The following UNC80 variants were observed in gnomAD, a reference collection of about 807,000 sequenced individuals.
The protein encoded by UNC80 is unc-80 subunit of NALCN channel complex, also known as protein unc-80 homolog.
A neutral mutation model predicts 384.6 loss-of-function variants in UNC80; 164 were observed. That is an observed-to-expected ratio of 0.43 (90% confidence interval 0.38 to 0.49). The LOEUF (loss-of-function observed/expected upper bound fraction) is 0.49, where lower values mean the gene tolerates loss of function less well. Among genes scored for constraint, UNC80 ranks in the 20% least tolerant of loss-of-function variants. The pLI is 0.00. For missense variants in UNC80, 3,330 were observed against 4,143.0 expected (o/e 0.80, Z 5.39); for synonymous variants, 1,486 against 1,527.8 (o/e 0.97, Z 0.64).
intron 28 of UNC80, 92 bp from the exon 29 acceptor site, chr2:209,904,673 C>A: frequency 9.1e-7 from 1 of 1,098,814 alleles, no homozygotes; most frequent in Non-Finnish European, 1.3e-6. Context: ...GGGAAGCTGA[C>A]ATTCTGACTT....
rs532830119 is a variant in UNC80 at position 209,874,745 on chromosome 2, T to C, written c.3840+1775T>C. On this transcript the variant is annotated intron_variant, in intron 23 of 64. Coordinates refer to ENST00000673920, the MANE Select transcript of UNC80 (RefSeq NM_001371986.1). ...TATATTTCCAACTGTAACCTGTAAG[T>C]ACAGACTTCCCTAACCATAGCAGTT... Among the ~76,000 whole-genome samples, 4 of 152,320 alleles carry C rather than the reference T, an allele frequency of 2.6e-5. No individual in the cohort carries two copies. The East Asian group carries it at 7.7e-4, about 29-fold the overall frequency.
At chr2:209,965,294 G>A (rs951743245) in intron 51 of UNC80, among the ~76,000 whole-genome samples, 10 of 151,894 alleles carry the variant, frequency 6.6e-5, no homozygotes, top group East Asian at 3.9e-4. Context: ...AAAATTAGCC[G>A]GGCATGGGGC....
At chr2:209,910,000 C>G (rs577038739) in intron 29 of UNC80, among the ~76,000 whole-genome samples, 1 of 149,746 alleles carries the variant, frequency 6.7e-6, no homozygotes, top group South Asian at 2.1e-4. Context: ...ATAGAGGCAT[C>G]TACTAGTGGT....
chr2:209,903,647 A>G (rs1378125367), intron 28 of UNC80, among the ~76,000 whole-genome samples: 1 of 121,702 alleles, frequency 8.2e-6, no homozygotes, highest in Non-Finnish European at 1.6e-5. Context: ...TATAGTATAT[A>G]TGTAATATAT....
chr2:209,935,385 G>A lies in UNC80; in HGVS notation c.6179-329G>A, dbSNP rs951498540. Among the ~76,000 whole-genome samples the A allele has an allele frequency of 9.9e-5, 15 of 152,172 alleles. 1 individual carries two copies. Among genetic ancestry groups the A allele is most frequent in the Admixed American group, 2.6e-4 (4 of 15,272 alleles). On this transcript the variant is annotated intron_variant, in intron 39 of 64. Coordinates refer to ENST00000673920, the MANE Select transcript of UNC80 (RefSeq NM_001371986.1). ...TCCTGTAATCTCCGCACTTTGGGAG[G>A]CCGAGGCAGGTGGATTGCTTGAGGT...
At chr2:209,836,451 A>G (rs943491170) in intron 18 of UNC80, among the ~76,000 whole-genome samples, 1 of 152,206 alleles carries the variant, frequency 6.6e-6, no homozygotes, top group Admixed American at 6.5e-5. Context: ...CATTCACTGT[A>G]TATTTCTAGG....
At chr2:209,878,215 C>T in intron 24 of UNC80, 126 bp downstream of exon 24, 1 of 1,010,732 alleles carries the variant, frequency 9.9e-7, no homozygotes, top group Non-Finnish European at 1.3e-6. Context: ...TGCTCCTTCT[C>T]CCCTTTTCCC....
Position 209,777,426 on chromosome 2 carries a change from G to A in UNC80, c.467G>A (p.Gly156Asp). 6.2e-7 allele frequency: 1 copy of A among 1,614,192 alleles called. No individual in the cohort carries two copies. Among genetic ancestry groups the A allele is most frequent in the South Asian group, 1.1e-5 (1 of 91,084 alleles). ...SAFIHQVENQ[G>D]SPGQPCQSSS... ...TTCATCCACCAGGTTGAAAACCAGGGTTCTCCAGGGCAGCCTTGCCAAAGC... is the reference window on the plus strand; with the variant it reads ...TTCATCCACCAGGTTGAAAACCAGGATTCTCCAGGGCAGCCTTGCCAAAGC... Residue 156 changes from glycine (G) to aspartate (D), a missense_variant, in exon 4 of 65, where the codon GGT becomes GAT. Around this residue, in one of 8 missense-constraint regions of UNC80, gnomAD observed 937 missense variants for 1,026.8 expected, o/e 0.91. Transcript: ENST00000673920.
In UNC80 at chr2:209,939,536, T is replaced by A; in HGVS notation, c.6530T>A (p.Ile2177Asn). The change falls in exon 43 of 65, where the codon ATC becomes AAC. Residue 2177 changes from isoleucine to asparagine, a missense_variant. This residue lies in a region of UNC80 where 1,049 missense variants were observed against 1,488.6 expected (regional missense o/e 0.70). Transcript: ENST00000673920. ...TTTCTCATCTCCCTAACCCAGAAGA[T>A]CCCCACAGCCCACAAACAGTCCCAC... Reference protein sequence around the residue: ...VLFLISLTQKIPTAHKQSHVS... With the variant: ...VLFLISLTQKNPTAHKQSHVS... 6.4e-7 allele frequency: 1 copy of A among 1,551,486 alleles called. No individual in the cohort carries two copies. The highest frequency in any genetic ancestry group is 8.7e-7 in the Non-Finnish European group (1 of 1,146,884).
At chr2:209,865,240 T>C (rs964313918) in intron 22 of UNC80, among the ~76,000 whole-genome samples, 4 of 151,904 alleles carry the variant, frequency 2.6e-5, no homozygotes, top group East Asian at 1.9e-4. Context: ...GTTTTTTTTT[T>C]CAATGGGAGC....
chr2:209,818,946 T>C, intron 11 of UNC80, 47 bp from the exon 12 acceptor site: 1 of 1,529,510 alleles, frequency 6.5e-7, no homozygotes, highest in Non-Finnish European at 8.8e-7. Flanking sequence ...TAACTGGTAT[T>C]GTAGGTTAAT....
intron 17 of UNC80, 34 bp downstream of exon 17, chr2:209,834,202 T>G (rs1238798368): frequency 6.5e-7 from 1 of 1,548,122 alleles, no homozygotes; most frequent in East Asian, 2.4e-5. Flanking sequence ...TATTACTGTT[T>G]GCCTTAAGTC....
intron 33 of UNC80, 120 bp downstream of exon 33, chr2:209,918,783 A>G (rs2089778753): frequency 1.7e-6 from 2 of 1,173,580 alleles, no homozygotes; most frequent in African/African-American, 1.5e-5. Context: ...GTCAGCACAA[A>G]AGATCTTTGT....
chr2:209,944,385 G>A (rs1430600238), intron 45 of UNC80, among the ~76,000 whole-genome samples: 2 of 151,946 alleles, frequency 1.3e-5, no homozygotes, highest in Non-Finnish European at 2.9e-5. Flanking sequence ...GAATTTCTAC[G>A]ACACTCAACC....
At chr2:209,897,129 C>T (rs1559286535) in intron 28 of UNC80, among the ~76,000 whole-genome samples, 2 of 152,044 alleles carry the variant, frequency 1.3e-5, no homozygotes, top group South Asian at 4.1e-4. Context: ...GAAGCAGTCA[C>T]CAGAACTGAC....
At chr2:209,832,492 C>T (rs1225112027) in intron 16 of UNC80, among the ~76,000 whole-genome samples, 1 of 152,120 alleles carries the variant, frequency 6.6e-6, no homozygotes, top group Non-Finnish European at 1.5e-5. Context: ...GAAATCATTC[C>T]ATTTGCACAT....
Position 209,905,057 on chromosome 2 carries a change from C to G in UNC80, c.4782+92C>G, listed in dbSNP as rs971038709. ...GGAAATAAGAATTTTCAAGCAAATG[C>G]AATTGTAACAATCAGGTCTGTGTGC... On this transcript the variant is annotated intron_variant, in intron 29 of 64. Transcript: ENST00000673920. The G allele has an allele frequency of 4.6e-6, 6 of 1,297,532 alleles. No individual in the cohort carries two copies. In the African/African-American group the frequency reaches 7.3e-5, roughly 16 times the overall value. The allele number at this position is 1,297,532 out of a possible 1,614,324, so 80.4% of individuals were successfully genotyped here. A position where few individuals can be genotyped will look rare whatever the true frequency, so the allele number is the denominator to read the frequency against.
chr2:209,850,918 T>A (rs183421434), intron 22 of UNC80, among the ~76,000 whole-genome samples: 1 of 152,248 alleles, frequency 6.6e-6, no homozygotes, highest in East Asian at 1.9e-4. Flanking sequence ...GAAACTTAGC[T>A]GTCACTCTTT....
intron 4 of UNC80, among the ~76,000 whole-genome samples, chr2:209,783,976 C>G (rs900234876): frequency 1.3e-5 from 2 of 152,156 alleles, no homozygotes; most frequent in Non-Finnish European, 2.9e-5. Context: ...CTCGGTATCT[C>G]TAGCTTAATG....
Sources: gnomAD v4.1 joint callset for allele counts (sites outside exome capture counted in the v4.1 genomes callset) on GRCh38, gnomAD v4.1.1 for gene constraint, gnomAD v4.1.1 regional missense constraint, MANE v1.5 for transcripts, NCBI Gene and HGNC (gene_info 2026-07-23, HGNC 2026-07-21) for gene names.